The following CR1 variants were observed in gnomAD, a reference collection of about 807,000 sequenced individuals.
The protein encoded by CR1 is complement C3b/C4b receptor 1 (Knops blood group).
In CR1, 116 loss-of-function variants were observed where a neutral mutation model predicts 187.3. The ratio of observed to expected loss-of-function variants is 0.62; its 90% CI spans 0.53 to 0.72. CR1 has a LOEUF of 0.72. Among genes scored for constraint, CR1 ranks in the 30% least tolerant of loss-of-function variants. The pLI, the probability that CR1 is intolerant of heterozygous loss-of-function variation, is 0.00. For synonymous variants in CR1, 576 were observed against 747.1 expected, an observed-to-expected ratio of 0.77 and a Z score of 3.73; for missense variants, 1,731 against 2,110.7, an observed-to-expected ratio of 0.82 and a Z score of 3.52.
At chr1:207,503,480 G>A (rs1659336334) in intron 1 of CR1, among the ~76,000 whole-genome samples, 1 of 152,132 alleles carries the variant, frequency 6.6e-6, no homozygotes, top group African/African-American at 2.4e-5. Context: ...AGGGGAGCAG[G>A]GGTTTTCTTG....
rs1163655071 is a variant in CR1 at position 207,524,562 on chromosome 1, A to T, written c.886+553A>T. 4.0e-5 allele frequency among the ~76,000 whole-genome samples: 6 copies of T among 151,812 alleles called. 1 individual carries two copies. The highest frequency in any genetic ancestry group is 6.6e-5 in the Admixed American group (1 of 15,242). Reference sequence around the variant, plus strand: ...CCATGCCTGGATAAGTTTTTTATATATTTTTTGTAGGGATAGAGTCTCACC... The same window carrying T: ...CCATGCCTGGATAAGTTTTTTATATTTTTTTTGTAGGGATAGAGTCTCACC... On this transcript the variant is annotated intron_variant, in intron 5 of 46. Transcript: ENST00000367049.
At chr1:207,515,178 CA>C (rs1558220771) in intron 4 of CR1, among the ~76,000 whole-genome samples, 8,895 of 136,414 alleles carry the variant, frequency 0.065, 1,025 homozygotes, top group African/African-American at 0.23. Flanking sequence ...TAGGTATATA[CA>C]TATATACGTA....
At position 207,506,742 on chromosome 1, in the gene CR1, T is replaced by C; in HGVS notation, c.330T>C (p.Pro110=). 3.1e-6 allele frequency: 5 copies of C among 1,613,694 alleles called. No homozygotes were observed. Among genetic ancestry groups the C allele is most frequent in the Non-Finnish European group, 4.2e-6 (5 of 1,179,660 alleles). The change falls in exon 3 of 47, where the codon CCT becomes CCC. Residue 110 remains proline (P), a synonymous_variant. Transcript: ENST00000367049. The stretch of plus-strand genomic sequence containing the variant: ...AATCATGTCGTAATCCTCCAGATCC[T>C]GTGAATGGCATGGTGCATGTGATCA... ...RRKSCRNPPD[P]VNGMVHVIKG... is the part of the protein sequence containing the mutation.
intron 24 of CR1, among the ~76,000 whole-genome samples, chr1:207,566,169 T>C (rs963063951): frequency 1.3e-5 from 2 of 150,364 alleles, no homozygotes. Context: ...CTTGTGCTCC[T>C]AGGTCAGGAG....
intron 27 of CR1, among the ~76,000 whole-genome samples, chr1:207,573,305 C>A (rs1660634878): frequency 6.6e-6 from 1 of 152,176 alleles, no homozygotes; most frequent in African/African-American, 2.4e-5. Context: ...TGGTGTCCAG[C>A]ACACTTGCCA....
At chr1:207,590,160 G>A (rs1387584040) in intron 35 of CR1, among the ~76,000 whole-genome samples, 1 of 152,190 alleles carries the variant, frequency 6.6e-6, no homozygotes, top group Non-Finnish European at 1.5e-5. Flanking sequence ...GTAATTGTCA[G>A]ATTCACCAAG....
intron 39 of CR1, among the ~76,000 whole-genome samples, chr1:207,613,029 G>A (rs548530313): frequency 9.9e-5 from 15 of 152,226 alleles, no homozygotes; most frequent in Middle Eastern, 3.4e-3. Context: ...GCTTCCTTTC[G>A]CGTGGTACAG....
At chr1:207,622,395 G>A (rs780016734) in intron 44 of CR1, among the ~76,000 whole-genome samples, 2 of 152,124 alleles carry the variant, frequency 1.3e-5, no homozygotes, top group African/African-American at 2.4e-5. Flanking sequence ...CCAGTCTTCT[G>A]AGCCCATATC....
At chr1:207,575,273 A>C (rs1224268005) in intron 27 of CR1, among the ~76,000 whole-genome samples, 4 of 152,122 alleles carry the variant, frequency 2.6e-5, no homozygotes, top group Non-Finnish European at 5.9e-5. Context: ...CAAAAATAAT[A>C]TTTAGAGAAA....
Position 207,592,217 on chromosome 1 carries a change from T to C in CR1, c.5810+3443T>C, listed in dbSNP as rs186376872. Among the ~76,000 whole-genome samples, 39 of 152,100 alleles carry C rather than the reference T, an allele frequency of 2.6e-4. 1 individual carries two copies. The highest frequency in any genetic ancestry group is 9.2e-4 in the African/African-American group (38 of 41,482). ...TCAATAAAATACTGGCAAACAAAAT[T>C]CAGCAGCACATCAAAAAGCTTATCC... is the stretch of plus-strand genomic sequence containing the variant. On this transcript the variant is annotated intron_variant, in intron 35 of 46. Coordinates refer to ENST00000367049, the MANE Select transcript of CR1 (RefSeq NM_000651.6).
chr1:207,583,057 G>A (rs1214693955), intron 32 of CR1, among the ~76,000 whole-genome samples: 1 of 152,158 alleles, frequency 6.6e-6, no homozygotes, highest in Non-Finnish European at 1.5e-5. Context: ...TTCACCTAGG[G>A]AGTGAGTGCT....
rs555598053 is a variant in CR1, at chr1:207,524,470, G to A, written c.886+461G>A. On this transcript the variant is annotated intron_variant, in intron 5 of 46. Transcript: ENST00000367049. ...GCCATCATGACTTACTTCAACCTCCGCCTCTCTGGCTCAAGCAAGTCTCCT... is the reference window on the plus strand; with the variant it reads ...GCCATCATGACTTACTTCAACCTCCACCTCTCTGGCTCAAGCAAGTCTCCT... 5.3e-5 allele frequency among the ~76,000 whole-genome samples: 8 copies of A among 152,010 alleles called. 1 individual carries two copies. The highest frequency in any genetic ancestry group is 1.7e-4 in the African/African-American group (7 of 41,392).
intron 4 of CR1, among the ~76,000 whole-genome samples, chr1:207,516,392 T>C (rs930976543): frequency 1.3e-5 from 2 of 152,218 alleles, no homozygotes; most frequent in African/African-American, 4.8e-5. Flanking sequence ...AGATTTTAAT[T>C]ACTATAGCAT....
chr1:207,591,364 G>GGGT (rs1661266720), intron 35 of CR1, among the ~76,000 whole-genome samples: 1 of 152,144 alleles, frequency 6.6e-6, no homozygotes, highest in Non-Finnish European at 1.5e-5. Flanking sequence ...GGTAAATAAC[G>GGGT]AAATGAAAGC....
intron 45 of CR1, among the ~76,000 whole-genome samples, chr1:207,625,470 C>T (rs571430745): frequency 1.3e-5 from 2 of 152,332 alleles, no homozygotes; most frequent in East Asian, 1.9e-4. Context: ...TACTTTTGAC[C>T]TGTTTCACTT....
chr1:207,579,935 G>A (rs1377275777), intron 29 of CR1, among the ~76,000 whole-genome samples: 4 of 152,168 alleles, frequency 2.6e-5, no homozygotes, highest in Admixed American at 1.3e-4. Context: ...GAAATTGGGG[G>A]AAATCTGTAA....
In CR1 at chr1:207,614,438, G is replaced by A. The variant is rs754189117; in HGVS notation, c.6610G>A (p.Val2204Ile). Residue 2204 changes from valine to isoleucine, a missense_variant, in exon 40 of 47, where the codon GTC (valine) becomes ATC (isoleucine). Around this residue, in one of 5 missense-constraint regions of CR1, gnomAD observed 1,312 missense variants for 1,379.6 expected, o/e 0.95. Coordinates refer to ENST00000367049, the MANE Select transcript of CR1 (RefSeq NM_000651.6). ...RLKGRSASHC[V>I]LAGMKALWNS... ...AAAAGGCAGGTCTGCTAGTCATTGT[G>A]TCTTGGCTGGAATGAAAGCCCTTTG... The A allele has an allele frequency of 1.9e-6, 3 of 1,611,666 alleles. No homozygotes were observed. The highest frequency in any genetic ancestry group is 2.5e-6 in the Non-Finnish European group (3 of 1,178,386).
intron 3 of CR1, chr1:207,507,269 G>T (rs1558214697): frequency 6.5e-6 from 1 of 153,042 alleles, no homozygotes; most frequent in Non-Finnish European, 1.5e-5. Context: ...TTCTGTTCCG[G>T]AGGCTGAAAG....
intron 27 of CR1, among the ~76,000 whole-genome samples, chr1:207,572,706 T>C (rs1468107998): frequency 6.7e-6 from 1 of 149,372 alleles, no homozygotes; most frequent in East Asian, 2.0e-4. Context: ...CAGAAGTTTT[T>C]GGAGTTCCAT....
Sources: gnomAD v4.1 joint callset for allele counts (sites outside exome capture counted in the v4.1 genomes callset) on GRCh38, gnomAD v4.1.1 for gene constraint, gnomAD v4.1.1 regional missense constraint, MANE v1.5 for transcripts, NCBI Gene and HGNC (gene_info 2026-07-23, HGNC 2026-07-21) for gene names.